VEGFC: variants seen among roughly 807,000 people sequenced by gnomAD.
The protein encoded by VEGFC is vascular endothelial growth factor C.
Under a neutral mutation model 46.1 loss-of-function variants are expected in VEGFC, and 12 were observed. The observed-to-expected ratio is 0.26, with a 90% CI of 0.17 to 0.42. VEGFC has a LOEUF of 0.42. Ranked by LOEUF, VEGFC falls within the 10% of genes least tolerant of loss-of-function variation. The pLI, the probability that VEGFC is intolerant of heterozygous loss-of-function variation, is 1.00. For synonymous variants in VEGFC, 232 were observed against 195.5 expected, an observed-to-expected ratio of 1.19 and a Z score of -1.56; for missense variants, 488 against 529.4, an observed-to-expected ratio of 0.92 and a Z score of 0.77.
chr4:176,720,605 G>C (rs1398067277), intron 3 of VEGFC, among the ~76,000 whole-genome samples: 1 of 152,108 alleles, frequency 6.6e-6, no homozygotes, highest in African/African-American at 2.4e-5. Context: ...TTGGGAGGCA[G>C]AGGTGGGAGG....
rs779180031 is a variant in VEGFC at position 176,687,835 on chromosome 4, G to A, written c.797C>T (p.Ser266Leu). ...CLAQEDFMFS[S>L]DAGDDSTDGF... ...ATTCTGCTTACCATCTCCAGCATCC[G>A]AGGAAAACATAAAATCTTCCTGAGC... Residue 266 changes from serine (S) to leucine (L), a missense_variant, in exon 5 of 7, where the codon TCG becomes TTG. Coordinates refer to ENST00000618562, the MANE Select transcript of VEGFC (RefSeq NM_005429.5). 9 of 1,610,518 alleles carry A rather than the reference G, an allele frequency of 5.6e-6. No individual in the cohort carries two copies. The highest frequency in any genetic ancestry group is 4.5e-5 in the East Asian group (2 of 44,720).
chr4:176,698,390 T>C (rs1486688836), intron 4 of VEGFC, among the ~76,000 whole-genome samples: 3 of 151,992 alleles, frequency 2.0e-5, no homozygotes, highest in African/African-American at 7.2e-5. Context: ...TATAATCTGC[T>C]ATAATCTCTT....
At chr4:176,763,156 T>C (rs754446876) in intron 1 of VEGFC, among the ~76,000 whole-genome samples, 2 of 152,266 alleles carry the variant, frequency 1.3e-5, no homozygotes, top group Non-Finnish European at 2.9e-5. Flanking sequence ...TCTCTATTTA[T>C]AGTGTCCACA....
chr4:176,716,684 A>C (rs1734706513), intron 3 of VEGFC, among the ~76,000 whole-genome samples: 1 of 151,966 alleles, frequency 6.6e-6, no homozygotes. Context: ...ACTATGGTAG[A>C]ATTTCTGAAA....
rs1560957636 is a variant in VEGFC at position 176,758,977 on chromosome 4, G to A, written c.148-29231C>T. Among the ~76,000 whole-genome samples the A allele has an allele frequency of 3.3e-5, 5 of 152,194 alleles. No individual in the cohort carries two copies. The South Asian group carries it at 6.2e-4, about 19-fold the overall frequency. On this transcript the variant is annotated intron_variant, in intron 1 of 6. Coordinates refer to ENST00000618562, the MANE Select transcript of VEGFC (RefSeq NM_005429.5). ...ATCCAGGGCCAGTGATAGCAGCCACGATTACTCATCTAAAAGTTCATTGTT... is the reference window on the plus strand; with the variant it reads ...ATCCAGGGCCAGTGATAGCAGCCACAATTACTCATCTAAAAGTTCATTGTT...
chr4:176,792,218 A>AGGCGGCGGC lies in VEGFC; in HGVS notation c.85_93dup (p.Ala29_Ala31dup), dbSNP rs754628535. ...TCCGAGAGGTCGAGTCCGGACTCGA[A>AGGCGGCGGC]GGCGGCGGCGGCGGCGGGCGCCTCG... is the stretch of plus-strand genomic sequence containing the variant. On this transcript the variant is annotated inframe_insertion, in exon 1 of 7. Transcript: ENST00000618562. The surrounding 1 kb of genome is among the most constrained non-coding windows in gnomAD (Gnocchi z 6.3). 19 of 1,561,608 alleles carry AGGCGGCGGC rather than the reference A, an allele frequency of 1.2e-5. No homozygotes were observed. The African/African-American group carries it at 1.6e-4, about 13-fold the overall frequency.
intron 1 of VEGFC, among the ~76,000 whole-genome samples, chr4:176,782,304 A>T (rs917208599): frequency 6.6e-6 from 1 of 152,024 alleles, no homozygotes; most frequent in African/African-American, 2.4e-5. Context: ...TTCTACAAAA[A>T]ATTTTAAAAA....
intron 1 of VEGFC, among the ~76,000 whole-genome samples, chr4:176,732,380 T>G (rs1734982060): frequency 6.6e-6 from 1 of 151,976 alleles, no homozygotes; most frequent in South Asian, 2.1e-4. Context: ...TGAAGTTTTC[T>G]TGCATTTGTA....
At position 176,758,511 on chromosome 4, in the gene VEGFC, C is replaced by T. The variant is rs115243523; in HGVS notation, c.148-28765G>A. Among the ~76,000 whole-genome samples, 1,299 of 152,178 alleles carry T rather than the reference C, an allele frequency of 8.5e-3. 13 individuals carry two copies. The highest frequency in any genetic ancestry group is 0.029 in the African/African-American group (1,224 of 41,526). ...TTGGCAGCTGGTGCTAGAAAACCTCCGTCTTACTGACTAGAACTGAATTAA... is the reference window on the plus strand; with the variant it reads ...TTGGCAGCTGGTGCTAGAAAACCTCTGTCTTACTGACTAGAACTGAATTAA... On this transcript the variant is annotated intron_variant, in intron 1 of 6. Coordinates refer to ENST00000618562, the MANE Select transcript of VEGFC (RefSeq NM_005429.5).
intron 1 of VEGFC, among the ~76,000 whole-genome samples, chr4:176,790,528 C>T (rs1392659621): frequency 3.3e-5 from 2 of 61,432 alleles, no homozygotes; most frequent in Non-Finnish European, 1.1e-4. Context: ...ACATAACACA[C>T]GTAAACACAC....
chr4:176,707,881 T>C (rs962738746), intron 4 of VEGFC, among the ~76,000 whole-genome samples: 5 of 152,154 alleles, frequency 3.3e-5, no homozygotes, highest in Non-Finnish European at 7.4e-5. Context: ...CTGCCATTGG[T>C]TGCCCTGTGG....
At chr4:176,730,006 CTTAT>C (rs1452467239) in intron 1 of VEGFC, among the ~76,000 whole-genome samples, 1 of 151,908 alleles carries the variant, frequency 6.6e-6, no homozygotes, top group Non-Finnish European at 1.5e-5. Context: ...TTTAAGGTAG[CTTAT>C]TTATTTTATT....
intron 1 of VEGFC, among the ~76,000 whole-genome samples, chr4:176,730,766 C>G (rs1734949811): frequency 6.6e-6 from 1 of 152,038 alleles, no homozygotes; most frequent in African/African-American, 2.4e-5. Context: ...ACAAAATGAA[C>G]ATATTTGCCT....
intron 4 of VEGFC, among the ~76,000 whole-genome samples, chr4:176,693,282 AGGAGCTGAT>A (rs1039453461): frequency 3.6e-5 from 5 of 138,864 alleles, no homozygotes; most frequent in African/African-American, 1.6e-4. Context: ...AAGTGCTTAA[AGGAGCTGAT>A]GGAGCTGAAA....
intron 1 of VEGFC, among the ~76,000 whole-genome samples, chr4:176,786,167 G>A (rs78792621): frequency 0.019 from 2,942 of 152,220 alleles, 80 homozygotes; most frequent in African/African-American, 0.067. Flanking sequence ...AGACACTTCT[G>A]TGCAACAATG....
chr4:176,770,038 A>G (rs1735696715), intron 1 of VEGFC, among the ~76,000 whole-genome samples: 1 of 152,162 alleles, frequency 6.6e-6, no homozygotes, highest in South Asian at 2.1e-4. Context: ...TTGGGAAGAA[A>G]TTTCTATTTA....
chr4:176,687,831 A>G lies in VEGFC; in HGVS notation c.801T>C (p.Asp267=), dbSNP rs749529485. ...LAQEDFMFSS[D]AGDDSTDGFH... ...CATCATTCTGCTTACCATCTCCAGC[A>G]TCCGAGGAAAACATAAAATCTTCCT... The change falls in exon 5 of 7, where the codon GAT becomes GAC. Residue 267 remains aspartate (D), a synonymous_variant. Transcript: ENST00000618562. The G allele has an allele frequency of 4.3e-6, 7 of 1,611,154 alleles. No individual in the cohort carries two copies. The highest frequency in any genetic ancestry group is 3.3e-5 in the Admixed American group (2 of 59,736).
chr4:176,728,153 C>A (rs954360071), intron 2 of VEGFC, among the ~76,000 whole-genome samples, 185 bp from the exon 3 acceptor site: 1 of 152,142 alleles, frequency 6.6e-6, no homozygotes, highest in Non-Finnish European at 1.5e-5. Context: ...ATTGAAAAGA[C>A]AAGCTAAGGA....
chr4:176,721,441 C>T (rs559796611), intron 3 of VEGFC, among the ~76,000 whole-genome samples: 16 of 152,138 alleles, frequency 1.1e-4, no homozygotes, highest in African/African-American at 3.9e-4. Context: ...AAAAAAATCA[C>T]TGCTAAAAAG....
Sources: allele counts gnomAD v4.1 joint callset (sites outside exome capture counted in the v4.1 genomes callset), GRCh38; gene constraint gnomAD v4.1.1; non-coding constraint Gnocchi (gnomAD v3.1); transcripts MANE v1.5; gene names NCBI Gene and HGNC (gene_info 2026-07-23, HGNC 2026-07-21).